The following SPATA31G1 variants were observed in gnomAD, a reference collection of about 807,000 sequenced individuals.
The protein encoded by SPATA31G1 is spermatogenesis-associated protein 31G1.
At chr9:35,044,074 C>T in the SPATA31G1 span, 7 of 1,614,108 alleles carry the variant, frequency 4.3e-6, no homozygotes, top group Non-Finnish European at 5.9e-6. Context: ...CTCCTGGAGT[C>T]TCTAGTAATG....
chr9:35,044,580 T>G, the SPATA31G1 span: 1 of 1,614,102 alleles, frequency 6.2e-7, no homozygotes. Context: ...ATCCTCAAAC[T>G]CTGTTTCAAA....
the SPATA31G1 span, chr9:35,045,247 AGC>A: frequency 6.2e-7 from 1 of 1,614,080 alleles, no homozygotes; most frequent in Non-Finnish European, 8.5e-7. Context: ...TCCCAGCTTC[AGC>A]CACAGGAGTC....
At chr9:35,045,639 C>G in the SPATA31G1 span, 5 of 1,614,114 alleles carry the variant, frequency 3.1e-6, no homozygotes, top group Admixed American at 1.7e-5. Flanking sequence ...ACACACTGCT[C>G]TTCCCCAGCT....
chr9:35,043,363 AG>A, the SPATA31G1 span: 7 of 1,613,988 alleles, frequency 4.3e-6, no homozygotes, highest in African/African-American at 8.0e-5. Flanking sequence ...TTGCTTCCCC[AG>A]TATCACTCCT....
the SPATA31G1 span, chr9:35,044,619 C>G: frequency 1.2e-6 from 2 of 1,614,028 alleles, no homozygotes; most frequent in Non-Finnish European, 1.7e-6. Context: ...TATCGCAGAC[C>G]AAAGCAACTA....
the SPATA31G1 span, chr9:35,044,138 G>C: frequency 1.2e-6 from 2 of 1,614,126 alleles, no homozygotes. Flanking sequence ...CCATGGGGCA[G>C]AAAGAGAACC....
At chr9:35,045,046 G>A in the SPATA31G1 span, 1 of 1,614,200 alleles carries the variant, frequency 6.2e-7, no homozygotes, top group Non-Finnish European at 8.5e-7. Flanking sequence ...CCTGGCCCAA[G>A]TCAATCATTT....
the SPATA31G1 span, chr9:35,045,544 AC>A: frequency 6.2e-7 from 1 of 1,614,182 alleles, no homozygotes; most frequent in South Asian, 1.1e-5. Context: ...ACAGGGAAGA[AC>A]CACCCTGCCC....
the SPATA31G1 span, chr9:35,043,224 C>G: frequency 1.2e-6 from 2 of 1,614,208 alleles, no homozygotes; most frequent in Non-Finnish European, 8.5e-7. Flanking sequence ...CTTCTGGGGT[C>G]TCCCCTCTCT....
At chr9:35,045,321 G>C in the SPATA31G1 span, 1 of 1,614,050 alleles carries the variant, frequency 6.2e-7, no homozygotes, top group African/African-American at 1.3e-5. Flanking sequence ...GGTGAGCCAG[G>C]TCCCATCCCA....
the SPATA31G1 span, chr9:35,043,224 C>T: frequency 6.2e-7 from 1 of 1,614,208 alleles, no homozygotes; most frequent in East Asian, 2.2e-5. Context: ...CTTCTGGGGT[C>T]TCCCCTCTCT....
chr9:35,044,322 C>T, the SPATA31G1 span: 2 of 1,614,022 alleles, frequency 1.2e-6, no homozygotes, highest in South Asian at 2.2e-5. Flanking sequence ...CCTCAGCCCA[C>T]CCCCAGCTCT....
At chr9:35,043,908 G>A in the SPATA31G1 span, 1 of 1,613,908 alleles carries the variant, frequency 6.2e-7, no homozygotes, top group African/African-American at 1.3e-5. Flanking sequence ...CTGGGCTTTT[G>A]AGTCTCCAGT....
chr9:35,045,840 C>A, the SPATA31G1 span: 2 of 1,610,676 alleles, frequency 1.2e-6, no homozygotes, highest in Admixed American at 1.7e-5. Flanking sequence ...GGATAACCAT[C>A]GACCCCTACC....
the SPATA31G1 span, chr9:35,044,165 C>T: frequency 1.1e-5 from 17 of 1,614,122 alleles, no homozygotes; most frequent in Admixed American, 2.8e-4. Context: ...CATCTGATTC[C>T]CCAGACCCTG....
At chr9:35,044,538 G>A in the SPATA31G1 span, 1 of 1,614,130 alleles carries the variant, frequency 6.2e-7, no homozygotes, top group Non-Finnish European at 8.5e-7. Context: ...AGAAAACTGT[G>A]TTCCTGTGTT....
chr9:35,044,207 A>G, the SPATA31G1 span: 2 of 1,614,124 alleles, frequency 1.2e-6, no homozygotes, highest in South Asian at 2.2e-5. Context: ...CCCTTATGGA[A>G]CCACACAGAA....
chr9:35,043,184 G>C, the SPATA31G1 span: 1 of 1,614,166 alleles, frequency 6.2e-7, no homozygotes, highest in Non-Finnish European at 8.5e-7. Flanking sequence ...TAGCATCAGG[G>C]AACCGCCAGC....
chr9:35,043,108 C>T, the SPATA31G1 span: 4 of 1,614,064 alleles, frequency 2.5e-6, no homozygotes, highest in African/African-American at 4.0e-5. Flanking sequence ...GTCATGCAGC[C>T]CGTGAGCCCT....
Sources: gnomAD v4.1 joint callset for allele counts on GRCh38, gnomAD v4.1.1 for gene constraint, MANE v1.5 for transcripts, NCBI Gene and HGNC (gene_info 2026-07-23, HGNC 2026-07-21) for gene names.